Variants in PPFIBP2 observed in about 807,000 individuals in gnomAD.
PPFIBP2 encodes the protein liprin-beta-2.
Under a neutral mutation model 118.3 loss-of-function variants are expected in PPFIBP2, and 118 were observed. The ratio of observed to expected loss-of-function variants is 1.00; its 90% CI spans 0.86 to 1.16. PPFIBP2 has a LOEUF of 1.16. PPFIBP2 is among the 50% of genes most tolerant of loss of function. The pLI, the probability that PPFIBP2 is intolerant of heterozygous loss-of-function variation, is 0.00. For synonymous variants in PPFIBP2, 414 were observed against 397.4 expected (o/e 1.04, Z -0.50); for missense variants, 1,195 against 1,073.1 (o/e 1.11, Z -1.59).
At chr11:7,545,657 C>T (rs963378274) in intron 1 of PPFIBP2, among the ~76,000 whole-genome samples, 7 of 151,180 alleles carry the variant, frequency 4.6e-5, no homozygotes, top group East Asian at 1.9e-4. Flanking sequence ...GCTCTTGGAG[C>T]GTGTCCTCCA....
At chr11:7,620,192 G>A (rs2135600978) in intron 6 of PPFIBP2, among the ~76,000 whole-genome samples, 1 of 152,246 alleles carries the variant, frequency 6.6e-6, no homozygotes, top group Non-Finnish European at 1.5e-5. Flanking sequence ...ACTCCCTACT[G>A]CCCAAAGAAT....
Position 7,620,962 on chromosome 11 carries a change from A to G in PPFIBP2, c.646A>G (p.Lys216Glu). ...GTTACTGCAAGAGCTCAGGCACCTC[A>G]AAATCAAAGTGGAAGAGTTGGAAAA... Reference protein sequence around the residue: ...EELLQELRHLKIKVEELENER... With the variant: ...EELLQELRHLEIKVEELENER... Residue 216 changes from lysine to glutamate, a missense_variant, in exon 7 of 24, where the codon AAA becomes GAA. By Grantham distance (56) the Lys-to-Glu change is moderately conservative (BLOSUM62 1). Transcript: ENST00000299492. 1.2e-6 allele frequency: 2 copies of G among 1,613,000 alleles called. No individual in the cohort carries two copies. Among genetic ancestry groups the G allele is most frequent in the Non-Finnish European group, 1.7e-6 (2 of 1,178,964 alleles).
chr11:7,571,586 G>T (rs1037374423), intron 3 of PPFIBP2: 16 of 152,294 alleles, frequency 1.1e-4, no homozygotes, highest in Non-Finnish European at 7.4e-5. Context: ...AAGGAGTTTT[G>T]TAGGTAAACC....
intron 1 of PPFIBP2, among the ~76,000 whole-genome samples, chr11:7,537,498 A>G (rs7925442): frequency 0.4 from 60,209 of 152,032 alleles, 12,861 homozygotes; most frequent in African/African-American, 0.54. Context: ...CAGGCAGCCA[A>G]ATCTTAGAAC....
chr11:7,571,652 A>G (rs1320885753), intron 3 of PPFIBP2: 1 of 152,174 alleles, frequency 6.6e-6, no homozygotes, highest in African/African-American at 2.4e-5. Context: ...CAAGAAAAAA[A>G]GTAGAGCCTG....
rs149645608 is a variant in PPFIBP2, at chr11:7,535,947, C to T, written c.-36-13493C>T. ...ATAGTTCAATGAGGGACCCGGAGAG[C>T]GCTTCTCCCAAATGCCAGAGGAGGA... On this transcript the variant is annotated intron_variant, in intron 1 of 23. Transcript: ENST00000299492. Among the ~76,000 whole-genome samples, 638 of 152,190 alleles carry T rather than the reference C, an allele frequency of 4.2e-3. 2 individuals are homozygous for T. The highest frequency in any genetic ancestry group is 6.4e-3 in the Non-Finnish European group (435 of 68,008).
At chr11:7,594,062 C>T (rs1477119550) in intron 4 of PPFIBP2, among the ~76,000 whole-genome samples, 4 of 152,126 alleles carry the variant, frequency 2.6e-5, no homozygotes, top group Admixed American at 6.5e-5. Context: ...AGGGGTTGAG[C>T]GGGGCCTGGA....
In PPFIBP2 at chr11:7,556,397, A is replaced by T. The variant is rs879753599; in HGVS notation, c.64+6858A>T. ...ATGAACCCAGGAGGTGGAGCTTGCA[A>T]TGATCGTGCCACTGCACTCCAGCCT... On this transcript the variant is annotated intron_variant, in intron 2 of 23. Coordinates refer to ENST00000299492, the MANE Select transcript of PPFIBP2 (RefSeq NM_003621.5). Among the ~76,000 whole-genome samples, 3 of 152,168 alleles carry T rather than the reference A, an allele frequency of 2.0e-5. No individual in the cohort carries two copies. The South Asian group carries it at 6.2e-4, about 32-fold the overall frequency.
chr11:7,610,541 C>G (rs1389466070), intron 6 of PPFIBP2, 119 bp downstream of exon 6: 5 of 1,359,162 alleles, frequency 3.7e-6, no homozygotes, highest in East Asian at 2.3e-5. Context: ...TATCTATACA[C>G]TAGAGATGCA....
chr11:7,662,736 A>G, the PPFIBP2 span, among the ~76,000 whole-genome samples: 1 of 151,154 alleles, frequency 6.6e-6, no homozygotes, highest in African/African-American at 2.4e-5. Context: ...AATATCCTGC[A>G]GAGTGTTCTC....
At chr11:7,531,112 A>G (rs897097433) in intron 1 of PPFIBP2, among the ~76,000 whole-genome samples, 2 of 152,142 alleles carry the variant, frequency 1.3e-5, no homozygotes, top group Non-Finnish European at 2.9e-5. Flanking sequence ...GTCATTCTCC[A>G]GCAGGCCTGT....
At chr11:7,542,009 G>C (rs564883635) in intron 1 of PPFIBP2, among the ~76,000 whole-genome samples, 1 of 152,090 alleles carries the variant, frequency 6.6e-6, no homozygotes, top group Non-Finnish European at 1.5e-5. Context: ...ATCTCTTGCC[G>C]GGTTTCCTGT....
intron 4 of PPFIBP2, chr11:7,597,331 G>A (rs764083245): frequency 8.5e-6 from 13 of 1,535,692 alleles, no homozygotes; most frequent in South Asian, 7.1e-5. Flanking sequence ...AGCAGTAAAC[G>A]TGACCCATGT....
intron 1 of PPFIBP2, among the ~76,000 whole-genome samples, chr11:7,520,810 C>A (rs914631418): frequency 3.3e-5 from 5 of 152,172 alleles, no homozygotes; most frequent in African/African-American, 9.7e-5. Flanking sequence ...TTCTTAGTAT[C>A]ATTTTTTGGT....
intron 15 of PPFIBP2, chr11:7,640,939 TG>T: frequency 9.7e-7 from 1 of 1,032,044 alleles, no homozygotes. Flanking sequence ...GACACTCTTT[TG>T]TTTATTTCTT....
chr11:7,606,193 C>G (rs1409387008), intron 5 of PPFIBP2, among the ~76,000 whole-genome samples: 1 of 152,072 alleles, frequency 6.6e-6, no homozygotes, highest in African/African-American at 2.4e-5. Context: ...GCACAGTGTT[C>G]TATAAGTTGG....
chr11:7,651,648 C>A lies in PPFIBP2; in HGVS notation c.2248-8C>A. On this transcript the variant is annotated splice_polypyrimidine_tract_variant and splice_region_variant and intron_variant, in intron 22 of 23. Transcript: ENST00000299492. ...TCCTGGCCAGGCTTGTCTCTGGTTC[C>A]TTCTTAGATCCTGGAGCCACGCTTC... 1.1e-5 allele frequency: 18 copies of A among 1,593,810 alleles called. No individual in the cohort carries two copies. The highest frequency in any genetic ancestry group is 1.5e-5 in the Non-Finnish European group (18 of 1,165,014).
chr11:7,631,719 A>G (rs1394493821), intron 11 of PPFIBP2, among the ~76,000 whole-genome samples: 1 of 152,164 alleles, frequency 6.6e-6, no homozygotes, highest in Non-Finnish European at 1.5e-5. Context: ...CAACCTTTTT[A>G]ATTAAGGAGC....
intron 1 of PPFIBP2, among the ~76,000 whole-genome samples, chr11:7,547,508 G>T (rs1014192336): frequency 6.6e-6 from 1 of 152,176 alleles, no homozygotes; most frequent in African/African-American, 2.4e-5. Flanking sequence ...TGCTGAACAG[G>T]TGAGAGTCTG....
Sources: allele counts gnomAD v4.1 joint callset (sites outside exome capture counted in the v4.1 genomes callset), GRCh38; gene constraint gnomAD v4.1.1; transcripts MANE v1.5; gene names NCBI Gene and HGNC (gene_info 2026-07-23, HGNC 2026-07-21).